Variants in CSMD3 observed in about 807,000 individuals in gnomAD.
CSMD3 encodes the protein CUB and sushi domain-containing protein 3.
In CSMD3, 177 loss-of-function variants were observed where a neutral mutation model predicts 435.2. The ratio of observed to expected loss-of-function variants is 0.41; its 90% CI spans 0.36 to 0.46. The LOEUF is 0.46. Ranked by LOEUF, CSMD3 falls within the 20% of genes least tolerant of loss-of-function variation. The pLI is 0.34. For synonymous variants in CSMD3, 1,656 were observed against 1,520.5 expected, an observed-to-expected ratio of 1.09 and a Z score of -2.07; for missense variants, 4,265 against 4,504.6, an observed-to-expected ratio of 0.95 and a Z score of 1.52.
chr8:112,939,828 GA>G (rs1487307926), intron 9 of CSMD3, among the ~76,000 whole-genome samples: 1 of 151,786 alleles, frequency 6.6e-6, no homozygotes, highest in Non-Finnish European at 1.5e-5. Context: ...ATAAAAGAGT[GA>G]AAAATGGGTA....
At chr8:112,234,058 A>G (rs1475228792) in intron 68 of CSMD3, among the ~76,000 whole-genome samples, 2 of 151,624 alleles carry the variant, frequency 1.3e-5, no homozygotes, top group African/African-American at 4.8e-5. Flanking sequence ...TGATGAAATC[A>G]GTGAAAAACT....
chr8:112,525,033 A>T (rs937711485), intron 27 of CSMD3, among the ~76,000 whole-genome samples: 2 of 151,854 alleles, frequency 1.3e-5, no homozygotes, highest in African/African-American at 4.8e-5. Flanking sequence ...GACTGATATC[A>T]TCATAAGCCA....
chr8:113,017,150 A>G (rs1318424533), intron 6 of CSMD3, among the ~76,000 whole-genome samples: 1 of 151,952 alleles, frequency 6.6e-6, no homozygotes, highest in South Asian at 2.1e-4. Context: ...GCAAATAGAA[A>G]TAAGTTGTAC....
intron 4 of CSMD3, among the ~76,000 whole-genome samples, chr8:113,100,408 A>G (rs1379215395): frequency 6.6e-6 from 1 of 151,984 alleles, no homozygotes; most frequent in African/African-American, 2.4e-5. Context: ...ACCATAAATC[A>G]CTTCTATTCT....
At chr8:113,348,268 T>TA (rs1239381622) in intron 1 of CSMD3, among the ~76,000 whole-genome samples, 43 of 152,156 alleles carry the variant, frequency 2.8e-4, no homozygotes, top group African/African-American at 1.0e-3. Context: ...AAGTAGTTTT[T>TA]ATCACAGCAC....
intron 9 of CSMD3, 93 bp downstream of exon 9, chr8:112,947,697 G>T (rs2083661242): frequency 1.5e-6 from 1 of 668,572 alleles, no homozygotes; most frequent in South Asian, 1.7e-5. Flanking sequence ...ATGCCACTAA[G>T]ACTTCATCTT....
Position 112,623,434 on chromosome 8 carries a change from C to T in CSMD3, c.3715+13383G>A, listed in dbSNP as rs552775206. ...TACATTATGCATTTTATTCCTAATT[C>T]TCACATCATAGTGTCATACTTAGTC... On this transcript the variant is annotated intron_variant, in intron 22 of 70. Transcript: ENST00000297405. Among the ~76,000 whole-genome samples the T allele has an allele frequency of 2.6e-5, 4 of 152,210 alleles. No homozygotes were observed. The South Asian group carries it at 8.3e-4, about 32-fold the overall frequency.
intron 3 of CSMD3, among the ~76,000 whole-genome samples, chr8:113,208,915 T>C (rs2092801640): frequency 1.3e-5 from 2 of 152,146 alleles, no homozygotes; most frequent in Admixed American, 1.3e-4. Flanking sequence ...GAGAGCAAAA[T>C]ATTTTTTCAT....
chr8:112,634,013 A>G (rs1178409173), intron 22 of CSMD3, among the ~76,000 whole-genome samples: 1 of 152,088 alleles, frequency 6.6e-6, no homozygotes, highest in Non-Finnish European at 1.5e-5. Context: ...AAATTTGGCT[A>G]TTGTTAACCT....
chr8:112,301,047 T>G (rs2130751122), intron 53 of CSMD3, among the ~76,000 whole-genome samples: 2 of 152,186 alleles, frequency 1.3e-5, no homozygotes, highest in South Asian at 2.1e-4. Context: ...TTAGAAAAAT[T>G]TTCATTATTA....
At chr8:113,350,281 C>A (rs2094181408) in intron 1 of CSMD3, among the ~76,000 whole-genome samples, 1 of 152,030 alleles carries the variant, frequency 6.6e-6, no homozygotes, top group South Asian at 2.1e-4. Context: ...GAAATAATTT[C>A]TTGCCTTGCA....
At chr8:112,243,784 A>G (rs1020297106) in intron 65 of CSMD3, among the ~76,000 whole-genome samples, 39 of 152,102 alleles carry the variant, frequency 2.6e-4, no homozygotes, top group African/African-American at 9.4e-4. Flanking sequence ...AATGTAATTA[A>G]CTAGAGATCT....
chr8:112,410,664 ATATATATATGTG>A (rs1832317309), intron 32 of CSMD3, among the ~76,000 whole-genome samples: 7 of 102,430 alleles, frequency 6.8e-5, no homozygotes, highest in Non-Finnish European at 1.0e-4. Context: ...ATATATATGT[ATATATATATGTG>A]TATATATATA....
intron 31 of CSMD3, among the ~76,000 whole-genome samples, chr8:112,482,240 G>A (rs1456198381): frequency 1.3e-5 from 2 of 152,116 alleles, no homozygotes; most frequent in Non-Finnish European, 2.9e-5. Context: ...CTATGACAAA[G>A]TCCTATGAAC....
At chr8:112,567,403 T>C (rs1036832107) in intron 24 of CSMD3, among the ~76,000 whole-genome samples, 1 of 152,170 alleles carries the variant, frequency 6.6e-6, no homozygotes, top group Non-Finnish European at 1.5e-5. Flanking sequence ...CTTTCTTTTA[T>C]GTCTTGCCCC....
At chr8:112,958,526 C>T (rs1339420573) in intron 7 of CSMD3, among the ~76,000 whole-genome samples, 2 of 152,192 alleles carry the variant, frequency 1.3e-5, no homozygotes, top group Middle Eastern at 3.4e-3. Context: ...ATCACTGTGG[C>T]GTCTTCCAGG....
At chr8:112,682,027 C>T (rs947703875) in intron 16 of CSMD3, among the ~76,000 whole-genome samples, 3 of 151,758 alleles carry the variant, frequency 2.0e-5, no homozygotes, top group African/African-American at 4.8e-5. Flanking sequence ...GGTGTTTTAG[C>T]TTAAATGTAT....
intron 4 of CSMD3, among the ~76,000 whole-genome samples, chr8:113,112,011 C>CCTT (rs769171505): frequency 1.3e-5 from 2 of 148,520 alleles, no homozygotes; most frequent in African/African-American, 2.5e-5. Context: ...CACTGACTTC[C>CCTT]CTTCTTCTTC....
chr8:112,743,906 C>G (rs958335801), intron 13 of CSMD3, among the ~76,000 whole-genome samples: 3 of 151,804 alleles, frequency 2.0e-5, no homozygotes, highest in Non-Finnish European at 4.4e-5. Flanking sequence ...TATGATTAAA[C>G]AAGATAAGAT....
Sources: allele counts gnomAD v4.1 joint callset (sites outside exome capture counted in the v4.1 genomes callset), GRCh38; gene constraint gnomAD v4.1.1; transcripts MANE v1.5; gene names NCBI Gene and HGNC (gene_info 2026-07-23, HGNC 2026-07-21).